Variants in PPFIA2 observed in about 807,000 individuals in gnomAD.
PPFIA2 encodes PPFI scaffold protein A2, also known as liprin-alpha-2.
Under a neutral mutation model 175.5 loss-of-function variants are expected in PPFIA2, and 46 were observed. The ratio of observed to expected loss-of-function variants is 0.26; its 90% CI spans 0.21 to 0.34. The LOEUF is 0.34. PPFIA2 is among the 10% of genes least tolerant of loss of function. PPFIA2 has a pLI of 1.00. For synonymous variants in PPFIA2, 568 were observed against 511.4 expected, an observed-to-expected ratio of 1.11 and a Z score of -1.49; for missense variants, 1,179 against 1,506.1, an observed-to-expected ratio of 0.78 and a Z score of 3.60.
intron 4 of PPFIA2, among the ~76,000 whole-genome samples, chr12:81,520,173 G>A (rs2062947711): frequency 6.6e-6 from 1 of 152,104 alleles, no homozygotes; most frequent in Non-Finnish European, 1.5e-5. Flanking sequence ...TCTGCTTTAG[G>A]TGATTCTGGA....
intron 4 of PPFIA2, among the ~76,000 whole-genome samples, chr12:81,569,390 CACA>C (rs1368695999): frequency 3.9e-5 from 6 of 152,046 alleles, no homozygotes; most frequent in African/African-American, 1.2e-4. Context: ...GCATTTACTC[CACA>C]ACGATTTGAA....
At chr12:81,363,874 T>A (rs993899696) in intron 14 of PPFIA2, among the ~76,000 whole-genome samples, 2 of 151,924 alleles carry the variant, frequency 1.3e-5, no homozygotes, top group South Asian at 4.1e-4. Flanking sequence ...TTTGTAAATA[T>A]CTTTGTTCAT....
intron 8 of PPFIA2, among the ~76,000 whole-genome samples, chr12:81,390,266 C>T (rs903100579): frequency 1.1e-4 from 16 of 151,960 alleles, no homozygotes; most frequent in African/African-American, 1.9e-4. Flanking sequence ...AGTCTTTATA[C>T]GGACAAATGT....
intron 4 of PPFIA2, chr12:81,535,624 C>A (rs1362276126): frequency 2.8e-6 from 1 of 361,682 alleles, no homozygotes; most frequent in Non-Finnish European, 5.4e-6. Context: ...CAGAACCACC[C>A]CACAGCAAAC....
chr12:81,680,621 T>C (rs1264268507), intron 3 of PPFIA2, among the ~76,000 whole-genome samples: 1 of 151,884 alleles, frequency 6.6e-6, no homozygotes, highest in Non-Finnish European at 1.5e-5. Flanking sequence ...AGCTTTTACA[T>C]AGCTATTTCT....
intron 8 of PPFIA2, among the ~76,000 whole-genome samples, chr12:81,399,248 A>C (rs2041711540): frequency 1.4e-5 from 2 of 143,590 alleles, no homozygotes; most frequent in Admixed American, 1.5e-4. Flanking sequence ...ACAAATTTCC[A>C]GTCAGTCAGT....
chr12:81,718,291 A>G (rs1385213739), intron 3 of PPFIA2, among the ~76,000 whole-genome samples: 1 of 151,590 alleles, frequency 6.6e-6, no homozygotes, highest in Non-Finnish European at 1.5e-5. Context: ...TCAGAAGAGA[A>G]CTGAGGAAAC....
chr12:81,420,169 C>T (rs1275808097), intron 7 of PPFIA2, among the ~76,000 whole-genome samples: 1 of 152,100 alleles, frequency 6.6e-6, no homozygotes, highest in East Asian at 1.9e-4. Flanking sequence ...GGCTTCATAC[C>T]TTCCCATAGG....
At chr12:81,514,977 C>T (rs2062230583) in intron 4 of PPFIA2, among the ~76,000 whole-genome samples, 1 of 151,822 alleles carries the variant, frequency 6.6e-6, no homozygotes, top group South Asian at 2.1e-4. Flanking sequence ...GTGTTGTTTT[C>T]TGCTATTATA....
chr12:81,440,110 C>A, intron 6 of PPFIA2, 64 bp from the exon 7 acceptor site: 1 of 1,183,866 alleles, frequency 8.4e-7, no homozygotes, highest in Non-Finnish European at 1.2e-6. Flanking sequence ...TGTGCTGAAT[C>A]CATAATTAAC....
chr12:81,724,009 T>C (rs1299185715), intron 3 of PPFIA2, among the ~76,000 whole-genome samples: 1 of 150,982 alleles, frequency 6.6e-6, no homozygotes, highest in Non-Finnish European at 1.5e-5. Context: ...ATAATCAAGC[T>C]ATCTACAAAT....
At chr12:81,700,528 TTTTTG>T (rs1413925021) in intron 3 of PPFIA2, among the ~76,000 whole-genome samples, 2 of 152,076 alleles carry the variant, frequency 1.3e-5, no homozygotes, top group East Asian at 3.9e-4. Flanking sequence ...ATAGGTTTGG[TTTTTG>T]TTTTGTTTTA....
intron 4 of PPFIA2, among the ~76,000 whole-genome samples, chr12:81,577,936 G>T (rs564471610): frequency 6.6e-6 from 1 of 151,790 alleles, no homozygotes; most frequent in South Asian, 2.1e-4. Context: ...GTCCAACCTT[G>T]GGATCTCTCA....
intron 8 of PPFIA2, among the ~76,000 whole-genome samples, chr12:81,386,311 AT>A (rs1385754173): frequency 1.8e-4 from 27 of 148,980 alleles, no homozygotes; most frequent in Non-Finnish European, 3.8e-4. Flanking sequence ...AAATAAATAA[AT>A]AAATAAATAA....
In PPFIA2 at chr12:81,611,273, T is replaced by C. The variant is rs2060880768; in HGVS notation, c.303+65518A>G. 3.3e-5 allele frequency among the ~76,000 whole-genome samples: 5 copies of C among 152,054 alleles called. No homozygotes were observed. In the South Asian group the frequency reaches 1.0e-3, roughly 32 times the overall value. ...TATGCCGCACCGTTTATGAACCAGC[T>C]CTTCAGAGGGAGGCATACTCCACTC... On this transcript the variant is annotated intron_variant, in intron 4 of 32. Coordinates refer to ENST00000549396, the MANE Select transcript of PPFIA2 (RefSeq NM_003625.5).
intron 4 of PPFIA2, among the ~76,000 whole-genome samples, chr12:81,461,356 C>T (rs1025139328): frequency 6.6e-6 from 1 of 152,070 alleles, no homozygotes; most frequent in Non-Finnish European, 1.5e-5. Flanking sequence ...TGCAACACTG[C>T]CTCCTTCTGG....
intron 4 of PPFIA2, among the ~76,000 whole-genome samples, chr12:81,599,310 C>A (rs900026648): frequency 5.3e-5 from 8 of 151,806 alleles, no homozygotes; most frequent in African/African-American, 1.5e-4. Context: ...CACATACAAC[C>A]TAAATTATTA....
intron 4 of PPFIA2, among the ~76,000 whole-genome samples, chr12:81,573,345 A>G (rs1187427089): frequency 6.6e-6 from 1 of 151,916 alleles, no homozygotes; most frequent in African/African-American, 2.4e-5. Flanking sequence ...TGCAGCGGTG[A>G]GAAAATAGTC....
intron 4 of PPFIA2, among the ~76,000 whole-genome samples, chr12:81,495,644 A>AAAATAC (rs1445116756): frequency 6.6e-6 from 1 of 152,096 alleles, no homozygotes; most frequent in Non-Finnish European, 1.5e-5. Flanking sequence ...ATCTCTACAC[A>AAAATAC]AAATACAAAT....
Sources: gnomAD v4.1 joint callset for allele counts (sites outside exome capture counted in the v4.1 genomes callset) on GRCh38, gnomAD v4.1.1 for gene constraint, MANE v1.5 for transcripts, NCBI Gene and HGNC (gene_info 2026-07-23, HGNC 2026-07-21) for gene names.